SEC24D: variants seen among roughly 807,000 people sequenced by gnomAD.
The protein encoded by SEC24D is protein transport protein Sec24D.
Under a neutral mutation model 116.9 loss-of-function variants are expected in SEC24D, and 69 were observed. The observed-to-expected ratio is 0.59, with a 90% CI of 0.49 to 0.72. SEC24D has a LOEUF of 0.72. Among genes scored for constraint, SEC24D ranks in the 30% least tolerant of loss-of-function variants. The pLI is 0.00. For missense variants in SEC24D, 1,131 were observed against 1,264.1 expected, an observed-to-expected ratio of 0.89 and a Z score of 1.60; for synonymous variants, 405 against 442.8, an observed-to-expected ratio of 0.91 and a Z score of 1.07.
chr4:118,792,127 GC>G, intron 8 of SEC24D, among the ~76,000 whole-genome samples: 1 of 151,110 alleles, frequency 6.6e-6, no homozygotes, highest in East Asian at 2.0e-4. Flanking sequence ...GAGCGCCTCT[GC>G]CCGGCCGCGA....
chr4:118,741,408 G>A (rs890294851), intron 15 of SEC24D, among the ~76,000 whole-genome samples: 8 of 152,094 alleles, frequency 5.3e-5, no homozygotes, highest in Admixed American at 1.3e-4. Flanking sequence ...CCTTGCAATT[G>A]GGGCTTTTTA....
intron 8 of SEC24D, among the ~76,000 whole-genome samples, chr4:118,790,340 G>A (rs1728841917): frequency 6.6e-6 from 1 of 152,104 alleles, no homozygotes; most frequent in African/African-American, 2.4e-5. Context: ...ATTAGACTAT[G>A]CACTTGTCCA....
chr4:118,796,437 C>G (rs768242531), intron 8 of SEC24D, among the ~76,000 whole-genome samples: 1 of 152,068 alleles, frequency 6.6e-6, no homozygotes, highest in Non-Finnish European at 1.5e-5. Context: ...TTTGCAAATA[C>G]GAAACCATAC....
intron 8 of SEC24D, among the ~76,000 whole-genome samples, chr4:118,777,262 C>T (rs960105013): frequency 1.5e-4 from 23 of 152,152 alleles, no homozygotes; most frequent in Admixed American, 3.3e-4. Flanking sequence ...CTATCCCTCC[C>T]CCAGCCCTCC....
chr4:118,791,813 C>T (rs536263190), intron 8 of SEC24D, among the ~76,000 whole-genome samples: 10 of 152,252 alleles, frequency 6.6e-5, no homozygotes, highest in South Asian at 2.1e-4. Context: ...GACGGAGTCT[C>T]GCTCACTCAG....
chr4:118,768,918 G>T (rs1015841115), intron 8 of SEC24D, among the ~76,000 whole-genome samples: 3 of 152,176 alleles, frequency 2.0e-5, no homozygotes, highest in Non-Finnish European at 4.4e-5. Flanking sequence ...TATAGTGATG[G>T]TAATAATACC....
At chr4:118,730,654 T>C (rs1725635601) in intron 21 of SEC24D, 1 of 152,330 alleles carries the variant, frequency 6.6e-6, no homozygotes, top group Non-Finnish European at 1.5e-5. Context: ...CAATAAATGT[T>C]GACTCTTGTA....
chr4:118,810,588 T>G (rs1560738125), intron 6 of SEC24D, among the ~76,000 whole-genome samples: 1 of 152,200 alleles, frequency 6.6e-6, no homozygotes, highest in East Asian at 1.9e-4. Context: ...CACTTTAGTG[T>G]GCCTAGGAAT....
chr4:118,816,152 C>T (rs1239137129), intron 4 of SEC24D, among the ~76,000 whole-genome samples: 1 of 136,116 alleles, frequency 7.3e-6, no homozygotes, highest in Admixed American at 8.3e-5. Context: ...TGGTCTCAAA[C>T]TCCTGGGCTC....
intron 13 of SEC24D, among the ~76,000 whole-genome samples, chr4:118,748,126 C>G (rs775582237): frequency 6.6e-6 from 1 of 151,964 alleles, no homozygotes; most frequent in Non-Finnish European, 1.5e-5. Context: ...TTAGCTGGGG[C>G]GTGGTGGCAC....
rs1353538176 is a variant in SEC24D, at chr4:118,740,322, C to A, written c.2238+341G>T. ...TTCTGTAGTGTTTGTTATAGCAGCC[C>A]TAGCAAATTAATATTCATATGGTAG... On this transcript the variant is annotated intron_variant, in intron 17 of 22. Coordinates refer to ENST00000280551, the MANE Select transcript of SEC24D (RefSeq NM_014822.4). Among the ~76,000 whole-genome samples the A allele has an allele frequency of 2.0e-5, 3 of 152,106 alleles. 1 individual carries two copies. Among genetic ancestry groups the A allele is most frequent in the Admixed American group, 2.0e-4 (3 of 15,262 alleles).
At chr4:118,792,495 T>C (rs1370312765) in intron 8 of SEC24D, among the ~76,000 whole-genome samples, 2 of 152,248 alleles carry the variant, frequency 1.3e-5, no homozygotes, top group Non-Finnish European at 1.5e-5. Context: ...ATTGTTACTG[T>C]GTCTGTGTAG....
chr4:118,746,316 AG>A (rs1726533269), intron 13 of SEC24D, among the ~76,000 whole-genome samples: 1 of 151,774 alleles, frequency 6.6e-6, no homozygotes, highest in Admixed American at 6.6e-5. Context: ...GGGAGCAGGA[AG>A]GGTAAGAAAC....
chr4:118,831,998 T>C (rs1378415920), intron 2 of SEC24D, among the ~76,000 whole-genome samples: 2 of 151,752 alleles, frequency 1.3e-5, no homozygotes, highest in Non-Finnish European at 2.9e-5. Flanking sequence ...AGGTCAGGAG[T>C]TCGAGACCAA....
intron 3 of SEC24D, among the ~76,000 whole-genome samples, chr4:118,819,298 G>A (rs773521155): frequency 9.2e-5 from 14 of 152,122 alleles, no homozygotes; most frequent in South Asian, 2.1e-4. Context: ...TTGGGAGGCC[G>A]AGGAGGGCGG....
intron 7 of SEC24D, among the ~76,000 whole-genome samples, chr4:118,798,573 TTCAGGCCCTG>T (rs1729282777): frequency 6.6e-6 from 1 of 152,234 alleles, no homozygotes; most frequent in South Asian, 2.1e-4. Flanking sequence ...TCTAAGACAT[TTCAGGCCCTG>T]TCCTAGGTGC....
chr4:118,823,398 T>C (rs1239204830), intron 3 of SEC24D, among the ~76,000 whole-genome samples: 1 of 152,156 alleles, frequency 6.6e-6, no homozygotes, highest in East Asian at 1.9e-4. Context: ...GTTTTCCTAT[T>C]ATGGAGGACT....
At chr4:118,775,650 G>A (rs955559922) in intron 8 of SEC24D, among the ~76,000 whole-genome samples, 6 of 152,078 alleles carry the variant, frequency 3.9e-5, no homozygotes, top group Admixed American at 6.6e-5. Context: ...ACAGACAGAC[G>A]CATACACACC....
chr4:118,769,308 T>TA (rs1321845011), intron 8 of SEC24D, among the ~76,000 whole-genome samples: 3 of 152,176 alleles, frequency 2.0e-5, no homozygotes, highest in African/African-American at 7.2e-5. Flanking sequence ...TTTTACAGTT[T>TA]AAAAGTAAAA....
Sources: allele counts gnomAD v4.1 joint callset (sites outside exome capture counted in the v4.1 genomes callset), GRCh38; gene constraint gnomAD v4.1.1; transcripts MANE v1.5; gene names NCBI Gene and HGNC (gene_info 2026-07-23, HGNC 2026-07-21).